The following CUX2 variants were observed in gnomAD, a reference collection of about 807,000 sequenced individuals.
The protein encoded by CUX2 is cut like homeobox 2.
A neutral mutation model predicts 144.8 loss-of-function variants in CUX2; 40 were observed. That is an observed-to-expected ratio of 0.28 (90% CI 0.21 to 0.36). CUX2 has a LOEUF of 0.36. CUX2 is among the 10% of genes least tolerant of loss of function. The probability of loss-of-function intolerance (pLI) is 1.00; values close to 1 mark genes in which losing one functional copy is unlikely to be tolerated. For missense variants in CUX2, 1,615 were observed against 1,994.0 expected, an observed-to-expected ratio of 0.81 and a Z score of 3.62; for synonymous variants, 827 against 875.6, an observed-to-expected ratio of 0.94 and a Z score of 0.98.
intron 3 of CUX2, among the ~76,000 whole-genome samples, chr12:111,223,332 A>C (rs957499546): frequency 6.6e-6 from 1 of 152,152 alleles, no homozygotes; most frequent in Non-Finnish European, 1.5e-5. Context: ...TCCATCCCAG[A>C]GGTTCTATTT....
chr12:111,167,584 C>T (rs760278857), intron 1 of CUX2, among the ~76,000 whole-genome samples: 4 of 152,228 alleles, frequency 2.6e-5, no homozygotes, highest in Non-Finnish European at 5.9e-5. Context: ...AGATTTACCA[C>T]GTTGTCAGAT....
At chr12:111,108,104 C>G (rs1873721858) in intron 1 of CUX2, among the ~76,000 whole-genome samples, 1 of 152,302 alleles carries the variant, frequency 6.6e-6, no homozygotes, top group South Asian at 2.1e-4. Flanking sequence ...ATGGCCTTGA[C>G]ACTTTTGATG....
At position 111,322,139 on chromosome 12, in the gene CUX2, A is replaced by C; in HGVS notation, c.2767-282A>C. Among the ~76,000 whole-genome samples, 1 of 151,810 alleles carries C rather than the reference A, an allele frequency of 6.6e-6. No individual in the cohort carries two copies. The highest frequency in any genetic ancestry group is 1.5e-5 in the Non-Finnish European group (1 of 67,934). ...TCGAAACCAGCCTGGCCAATGTGGC[A>C]AAACCCCATCTCTACTAAAAATACA... On this transcript the variant is annotated intron_variant, in intron 17 of 21. Transcript: ENST00000261726. This position sits in a 1 kb window ranked among gnomAD's most constrained non-coding sequence, Gnocchi z 4.2.
At chr12:111,199,635 A>T (rs1473824462) in intron 1 of CUX2, among the ~76,000 whole-genome samples, 1 of 152,150 alleles carries the variant, frequency 6.6e-6, no homozygotes, top group Non-Finnish European at 1.5e-5. Flanking sequence ...TGTCATGCTC[A>T]GGTTTTCTCT....
At chr12:111,192,765 C>T (rs926847976) in intron 1 of CUX2, among the ~76,000 whole-genome samples, 5 of 152,210 alleles carry the variant, frequency 3.3e-5, no homozygotes, top group East Asian at 1.9e-4. Flanking sequence ...AAATTACTTT[C>T]GTAACAATAC....
rs1197942699 is a variant in CUX2, at chr12:111,035,653, G to A, written c.63+1413G>A. On this transcript the variant is annotated intron_variant, in intron 1 of 21. Transcript: ENST00000261726. The surrounding 1 kb of genome is among the most constrained non-coding windows in gnomAD (Gnocchi z 6.0). ...TTAATCCGCCGGCAAATCTCGTTAAGTTTCTTCTGATAAGTGGTTCCAGCA... is the reference window on the plus strand; with the variant it reads ...TTAATCCGCCGGCAAATCTCGTTAAATTTCTTCTGATAAGTGGTTCCAGCA... 6.8e-6 allele frequency among the ~76,000 whole-genome samples: 1 copy of A among 146,584 alleles called. No individual in the cohort carries two copies. Among genetic ancestry groups the A allele is most frequent in the Non-Finnish European group, 1.5e-5 (1 of 67,492 alleles).
intron 17 of CUX2, among the ~76,000 whole-genome samples, chr12:111,321,271 A>T (rs188615337): frequency 8.7e-4 from 133 of 152,272 alleles, no homozygotes; most frequent in Non-Finnish European, 6.6e-4. Flanking sequence ...GATCAAGACC[A>T]TCCTGGCCAA....
chr12:111,239,855 C>T (rs1882938843), intron 3 of CUX2, among the ~76,000 whole-genome samples: 1 of 152,034 alleles, frequency 6.6e-6, no homozygotes, highest in South Asian at 2.1e-4. Context: ...TGGTGTTGGT[C>T]GGGGAGGGAA....
chr12:111,120,524 T>C (rs1388126979), intron 1 of CUX2, among the ~76,000 whole-genome samples: 1 of 151,936 alleles, frequency 6.6e-6, no homozygotes, highest in East Asian at 1.9e-4. Flanking sequence ...GGCTGTTGAG[T>C]AGACTGACAT....
In CUX2 at chr12:111,217,908, G is replaced by T; in HGVS notation, c.193G>T (p.Ala65Ser). The T allele has an allele frequency of 1.9e-6, 3 of 1,614,034 alleles. No individual in the cohort carries two copies. The highest frequency in any genetic ancestry group is 2.5e-6 in the Non-Finnish European group (3 of 1,180,024). The change falls in exon 3 of 22, where the codon GCT (alanine) becomes TCT (serine). Residue 65 changes from alanine to serine, a missense_variant. Transcript: ENST00000261726. ...NVPEEIREMVAPVLKSFQAEV... is the reference protein window; with the variant it reads ...NVPEEIREMVSPVLKSFQAEV... ...TTTTCAGGAAATCAGAGAGATGGTGGCTCCTGTATTAAAAAGCTTCCAAGC... is the reference window on the plus strand; with the variant it reads ...TTTTCAGGAAATCAGAGAGATGGTGTCTCCTGTATTAAAAAGCTTCCAAGC...
At chr12:111,113,319 T>A (rs2136084906) in intron 1 of CUX2, among the ~76,000 whole-genome samples, 2 of 152,286 alleles carry the variant, frequency 1.3e-5, no homozygotes, top group Middle Eastern at 6.8e-3. Context: ...ATTTTCATAC[T>A]GTAATTTTTT....
At chr12:111,116,189 G>A (rs912213982) in intron 1 of CUX2, among the ~76,000 whole-genome samples, 4 of 152,196 alleles carry the variant, frequency 2.6e-5, no homozygotes, top group Non-Finnish European at 5.9e-5. Flanking sequence ...TTTAGGTAAT[G>A]ATTATAATAC....
intron 3 of CUX2, among the ~76,000 whole-genome samples, chr12:111,241,803 CCTGACAGCGTGACA>C (rs1206665632): frequency 6.6e-6 from 1 of 152,274 alleles, no homozygotes; most frequent in African/African-American, 2.4e-5. Context: ...TGGGACCACC[CCTGACAGCGTGACA>C]CTTTACAAAA....
Position 111,224,499 on chromosome 12 carries a change from G to A in CUX2, c.222+6562G>A, listed in dbSNP as rs183975178. 8.1e-5 allele frequency among the ~76,000 whole-genome samples: 11 copies of A among 135,812 alleles called. No individual in the cohort carries two copies. The East Asian group carries it at 2.3e-3, about 29-fold the overall frequency. 89.1% of individuals were successfully genotyped at this position (135,812 alleles called of 152,430 possible). On this transcript the variant is annotated intron_variant, in intron 3 of 21. Transcript: ENST00000261726. ...AAACTCTTGCTCTTCCGTTTGAGCT[G>A]AAATTTAATTACAGGGCTTTTTTTT...
At chr12:111,079,909 G>A (rs577735401) in intron 1 of CUX2, among the ~76,000 whole-genome samples, 44 of 152,264 alleles carry the variant, frequency 2.9e-4, no homozygotes, top group Non-Finnish European at 5.0e-4. Context: ...GCAGCACACA[G>A]GAATTGCTCA....
chr12:111,333,524 G>A (rs1888208572), intron 18 of CUX2, among the ~76,000 whole-genome samples: 1 of 152,200 alleles, frequency 6.6e-6, no homozygotes, highest in Non-Finnish European at 1.5e-5. Flanking sequence ...TTTCTGAAGA[G>A]TAGAGGCTGT....
At chr12:111,238,045 C>T (rs1345338307) in intron 3 of CUX2, among the ~76,000 whole-genome samples, 1 of 152,214 alleles carries the variant, frequency 6.6e-6, no homozygotes. Flanking sequence ...CCTCGGGGAC[C>T]AAATCACCAA....
chr12:111,103,352 C>G (rs1258214481), intron 1 of CUX2, among the ~76,000 whole-genome samples: 1 of 152,206 alleles, frequency 6.6e-6, no homozygotes, highest in Non-Finnish European at 1.5e-5. Flanking sequence ...ACCTTGGAGT[C>G]AGTCACTTAA....
chr12:111,200,406 C>G (rs539562782), intron 1 of CUX2, among the ~76,000 whole-genome samples: 1 of 151,982 alleles, frequency 6.6e-6, no homozygotes, highest in Non-Finnish European at 1.5e-5. Context: ...CTCCCTCCCC[C>G]ATTCTTTCCT....
Sources: gnomAD v4.1 joint callset for allele counts (sites outside exome capture counted in the v4.1 genomes callset) on GRCh38, gnomAD v4.1.1 for gene constraint, Gnocchi (gnomAD v3.1) non-coding constraint, MANE v1.5 for transcripts, NCBI Gene and HGNC (gene_info 2026-07-23, HGNC 2026-07-21) for gene names.